Variants in MMAA observed in about 807,000 individuals in gnomAD.
The protein encoded by MMAA is metabolism of cobalamin associated A, also known as methylmalonic aciduria type A protein, mitochondrial.
MMAA carries 41 observed loss-of-function variants against 45.0 expected under a neutral mutation model. The ratio of observed to expected loss-of-function variants is 0.91; its 90% CI spans 0.71 to 1.18. The LOEUF (loss-of-function observed/expected upper bound fraction) is 1.18, where lower values mean the gene tolerates loss of function less well. Among genes scored for constraint, MMAA ranks in the 50% most tolerant of loss-of-function variants. MMAA has a pLI of 0.00. For missense variants in MMAA, 460 were observed against 495.7 expected (o/e 0.93, Z 0.68); for synonymous variants, 154 against 178.2 (o/e 0.86, Z 1.08).
Position 145,655,213 on chromosome 4 carries a change from C to T in MMAA, c.1036C>T (p.Gln346Ter). 6.2e-7 allele frequency: 1 copy of T among 1,614,098 alleles called. No homozygotes were observed. The highest frequency in any genetic ancestry group is 8.5e-7 in the Non-Finnish European group (1 of 1,180,004). ...SEMWDKMKDF[Q>*]DLMLASGELT... ...AATGTGGGATAAAATGAAAGATTTC[C>T]AGGACCTAATGCTTGCCAGTGGGGA... Residue 346 changes from glutamine to a stop codon, truncating the protein, a stop_gained, in exon 7 of 7, where the codon CAG (glutamine) becomes TAG (stop). Transcript: ENST00000649156. LOFTEE classifies it high-confidence loss of function.
At chr4:145,639,651 T>C in intron 2 of MMAA, 73 bp downstream of exon 2, 1 of 1,524,510 alleles carries the variant, frequency 6.6e-7, no homozygotes, top group Non-Finnish European at 8.8e-7. Flanking sequence ...TAAAAAAAAG[T>C]CTAAATAGTT....
intron 5 of MMAA, among the ~76,000 whole-genome samples, chr4:145,651,386 C>T (rs1728082689): frequency 6.6e-6 from 1 of 152,170 alleles, no homozygotes; most frequent in Non-Finnish European, 1.5e-5. Context: ...CCATCTGTAA[C>T]ATGACTGAAA....
intron 1 of MMAA, among the ~76,000 whole-genome samples, chr4:145,622,005 C>A (rs957902387): frequency 5.9e-5 from 9 of 152,138 alleles, no homozygotes; most frequent in African/African-American, 2.2e-4. Context: ...TTGACCCATG[C>A]AGAATTATGG....
At chr4:145,626,905 A>G (rs1734216310) in intron 1 of MMAA, among the ~76,000 whole-genome samples, 1 of 152,228 alleles carries the variant, frequency 6.6e-6, no homozygotes, top group Admixed American at 6.5e-5. Flanking sequence ...AAGAAGTTTG[A>G]GGATATCAAA....
intron 4 of MMAA, among the ~76,000 whole-genome samples, chr4:145,648,875 A>C (rs1367557408): frequency 1.3e-5 from 2 of 152,052 alleles, no homozygotes; most frequent in African/African-American, 4.8e-5. Context: ...AGTCCTAGCT[A>C]CTTGGTAGGC....
chr4:145,628,728 A>T (rs1734256079), intron 1 of MMAA, among the ~76,000 whole-genome samples: 1 of 152,210 alleles, frequency 6.6e-6, no homozygotes, highest in Admixed American at 6.5e-5. Flanking sequence ...GGACGTGGAC[A>T]TGTTTGGGGA....
chr4:145,631,380 G>A (rs1002666670), intron 1 of MMAA, among the ~76,000 whole-genome samples: 1 of 152,054 alleles, frequency 6.6e-6, no homozygotes, highest in Admixed American at 6.6e-5. Flanking sequence ...TGAATTGACT[G>A]CTTTATCACT....
chr4:145,626,993 G>C (rs1352931335), intron 1 of MMAA, among the ~76,000 whole-genome samples: 1 of 152,118 alleles, frequency 6.6e-6, no homozygotes, highest in East Asian at 1.9e-4. Context: ...CCTTTTTCTC[G>C]TTCTTTCTTT....
At position 145,655,804 on chromosome 4, in the gene MMAA, A is replaced by G. The variant is rs1233390346; in HGVS notation, c.*370A>G. 1 of 165,244 alleles carries G rather than the reference A, an allele frequency of 6.1e-6. No individual in the cohort carries two copies. The highest frequency in any genetic ancestry group is 6.1e-5 in the Admixed American group (1 of 16,500). The allele number at this position is 165,244 out of a possible 1,614,324, so 10.2% of individuals were successfully genotyped here. ...TGAATTTCCAGAGAGGATGTAAACA[A>G]GAGTGACCATATTTTTGGAGTCCTT... On this transcript the variant is annotated 3_prime_UTR_variant, in exon 7 of 7. Coordinates refer to ENST00000649156, the MANE Select transcript of MMAA (RefSeq NM_172250.3).
intron 1 of MMAA, among the ~76,000 whole-genome samples, chr4:145,628,968 C>A (rs1734263319): frequency 6.6e-6 from 1 of 152,038 alleles, no homozygotes; most frequent in African/African-American, 2.4e-5. Flanking sequence ...AATCTTGAAT[C>A]CTTTTTTTAG....
At position 145,622,361 on chromosome 4, in the gene MMAA, T is replaced by C. The variant is rs115935079; in HGVS notation, c.-66+2954T>C. Among the ~76,000 whole-genome samples, 794 of 152,274 alleles carry C rather than the reference T, an allele frequency of 5.2e-3. 4 individuals are homozygous for C. The highest frequency in any genetic ancestry group is 0.014 in the Middle Eastern group (4 of 294). ...TTCCTCAGCCACATAGAACTGTAAGTCCATTAAACCCTTTTTCCTGTATAA... is the reference window on the plus strand; with the variant it reads ...TTCCTCAGCCACATAGAACTGTAAGCCCATTAAACCCTTTTTCCTGTATAA... On this transcript the variant is annotated intron_variant, in intron 1 of 6. Coordinates refer to ENST00000649156, the MANE Select transcript of MMAA (RefSeq NM_172250.3).
At chr4:145,628,199 T>C (rs926730912) in intron 1 of MMAA, among the ~76,000 whole-genome samples, 1 of 152,216 alleles carries the variant, frequency 6.6e-6, no homozygotes, top group African/African-American at 2.4e-5. Flanking sequence ...TTTTAAAAAT[T>C]CTGAATTTTA....
chr4:145,651,388 T>C (rs1036899492), intron 5 of MMAA, among the ~76,000 whole-genome samples: 3 of 152,204 alleles, frequency 2.0e-5, no homozygotes, highest in African/African-American at 7.2e-5. Flanking sequence ...ATCTGTAACA[T>C]GACTGAAATA....
intron 1 of MMAA, among the ~76,000 whole-genome samples, chr4:145,637,974 A>G (rs1328291218): frequency 6.6e-6 from 1 of 152,180 alleles, no homozygotes; most frequent in East Asian, 1.9e-4. Flanking sequence ...ATTCATAGTG[A>G]CCGCGGCTCA....
chr4:145,621,595 G>A (rs1180879121), intron 1 of MMAA, among the ~76,000 whole-genome samples: 2 of 152,160 alleles, frequency 1.3e-5, no homozygotes, highest in East Asian at 1.9e-4. Flanking sequence ...CTGTGGTTGG[G>A]GGGGGTGGAA....
At chr4:145,634,528 C>G (rs1047074927) in intron 1 of MMAA, among the ~76,000 whole-genome samples, 3 of 151,812 alleles carry the variant, frequency 2.0e-5, no homozygotes, top group Non-Finnish European at 2.9e-5. Context: ...AACTGGGGAC[C>G]CGAAGAGCCC....
intron 1 of MMAA, among the ~76,000 whole-genome samples, chr4:145,632,279 T>C (rs1012817737): frequency 6.6e-6 from 1 of 152,238 alleles, no homozygotes; most frequent in Non-Finnish European, 1.5e-5. Flanking sequence ...ACTATTCTAG[T>C]GTACATTTGT....
intron 1 of MMAA, among the ~76,000 whole-genome samples, chr4:145,637,084 A>G (rs567423355): frequency 1.3e-5 from 2 of 152,324 alleles, no homozygotes; most frequent in African/African-American, 2.4e-5. Flanking sequence ...ATCAAATACT[A>G]TTGTCATCAC....
chr4:145,642,186 C>T, intron 2 of MMAA, 177 bp from the exon 3 acceptor site: 4 of 715,858 alleles, frequency 5.6e-6, no homozygotes, highest in East Asian at 3.0e-5. Context: ...AGCCCCATTA[C>T]TCAGGAATTA....
Sources: allele counts gnomAD v4.1 joint callset (sites outside exome capture counted in the v4.1 genomes callset), GRCh38; gene constraint gnomAD v4.1.1; transcripts MANE v1.5; gene names NCBI Gene and HGNC (gene_info 2026-07-23, HGNC 2026-07-21).